Variants in PRELID2 observed in about 807,000 individuals in gnomAD.
PRELID2 encodes the protein PRELI domain-containing protein 2.
A neutral mutation model predicts 28.4 loss-of-function variants in PRELID2; 25 were observed. The ratio of observed to expected loss-of-function variants is 0.88; its 90% confidence interval spans 0.64 to 1.23. The LOEUF (loss-of-function observed/expected upper bound fraction) is 1.23, where lower values mean the gene tolerates loss of function less well. PRELID2 is among the 50% of genes most tolerant of loss of function. PRELID2 has a pLI of 0.00. For synonymous variants in PRELID2, 76 were observed against 71.6 expected, an observed-to-expected ratio of 1.06 and a Z score of -0.31; for missense variants, 201 against 214.4, an observed-to-expected ratio of 0.94 and a Z score of 0.39.
intron 1 of PRELID2, among the ~76,000 whole-genome samples, chr5:145,578,769 TGATGCACAATA>T (rs2149623140): frequency 6.6e-6 from 1 of 152,212 alleles, no homozygotes; most frequent in Non-Finnish European, 1.5e-5. Flanking sequence ...GCTTACTGTA[TGATGCACAATA>T]CTATGCACTG....
intron 1 of PRELID2, among the ~76,000 whole-genome samples, chr5:145,524,349 G>A (rs1349816781): frequency 2.0e-5 from 3 of 152,196 alleles, no homozygotes; most frequent in East Asian, 1.9e-4. Context: ...GAATCCGTGC[G>A]TGGCCTCTGG....
chr5:145,363,724 T>A, the PRELID2 span, among the ~76,000 whole-genome samples: 57 of 152,196 alleles, frequency 3.7e-4, 1 homozygote, highest in Admixed American at 3.3e-3. Context: ...CTGAATTGTA[T>A]TATTTCATTC....
chr5:145,250,419 G>A, the PRELID2 span, among the ~76,000 whole-genome samples: 1 of 152,134 alleles, frequency 6.6e-6, no homozygotes, highest in Non-Finnish European at 1.5e-5. Flanking sequence ...TTTGAACCAA[G>A]CCAACAGCTT....
the PRELID2 span, among the ~76,000 whole-genome samples, chr5:145,413,550 G>T: frequency 6.6e-6 from 1 of 150,984 alleles, no homozygotes; most frequent in Non-Finnish European, 1.5e-5. Flanking sequence ...AGCACAATTT[G>T]TAACTGGAAA....
chr5:145,333,950 A>G, the PRELID2 span, among the ~76,000 whole-genome samples: 2 of 152,222 alleles, frequency 1.3e-5, no homozygotes, highest in African/African-American at 2.4e-5. Context: ...AGTTGCAAAG[A>G]CCGTGGGAAA....
At chr5:145,622,344 A>G (rs2149652663) in intron 1 of PRELID2, among the ~76,000 whole-genome samples, 1 of 152,318 alleles carries the variant, frequency 6.6e-6, no homozygotes. Context: ...ATATCCCTAT[A>G]AAGCTGTTGT....
intron 5 of PRELID2, among the ~76,000 whole-genome samples, chr5:145,769,834 C>A (rs1341674875): frequency 6.6e-6 from 1 of 152,142 alleles, no homozygotes; most frequent in Non-Finnish European, 1.5e-5. Context: ...GGACCATTGG[C>A]CTCTTCAGAG....
At chr5:145,438,746 T>C in the PRELID2 span, among the ~76,000 whole-genome samples, 2 of 152,162 alleles carry the variant, frequency 1.3e-5, no homozygotes, top group South Asian at 2.1e-4. Flanking sequence ...CCTATCTTCC[T>C]GCAGAAATCA....
the PRELID2 span, among the ~76,000 whole-genome samples, chr5:145,296,859 T>C: frequency 6.6e-6 from 1 of 152,150 alleles, no homozygotes; most frequent in Non-Finnish European, 1.5e-5. Context: ...ACCAGTTGTT[T>C]CCTGACTTTT....
At chr5:145,628,426 C>T (rs188164388) in intron 1 of PRELID2, among the ~76,000 whole-genome samples, 62 of 152,256 alleles carry the variant, frequency 4.1e-4, no homozygotes, top group Non-Finnish European at 8.1e-4. Flanking sequence ...CGGGTTCAAG[C>T]AGTTCTCCTG....
At chr5:145,562,777 GAC>G (rs1263319838) in intron 1 of PRELID2, among the ~76,000 whole-genome samples, 3 of 151,086 alleles carry the variant, frequency 2.0e-5, no homozygotes, top group Non-Finnish European at 2.9e-5. Context: ...AGAGTTTACA[GAC>G]ACAGAAAAAA....
the PRELID2 span, among the ~76,000 whole-genome samples, chr5:145,262,093 A>G: frequency 9.9e-5 from 15 of 152,284 alleles, no homozygotes; most frequent in Middle Eastern, 3.4e-3. Flanking sequence ...TAGAAGAAAG[A>G]ACTTGGCAGA....
chr5:145,631,331 G>A (rs1329032208), intron 1 of PRELID2, among the ~76,000 whole-genome samples: 2 of 152,158 alleles, frequency 1.3e-5, no homozygotes, highest in African/African-American at 4.8e-5. Context: ...AAACAGTGTG[G>A]CTGTGTGCCT....
At chr5:145,488,958 T>G (rs919168842) in intron 1 of PRELID2, among the ~76,000 whole-genome samples, 2 of 152,134 alleles carry the variant, frequency 1.3e-5, no homozygotes, top group African/African-American at 4.8e-5. Flanking sequence ...ACAACATTGT[T>G]AAAAGAGGTA....
the PRELID2 span, among the ~76,000 whole-genome samples, chr5:145,422,796 T>G: frequency 2.0e-5 from 3 of 152,108 alleles, no homozygotes; most frequent in African/African-American, 7.2e-5. Flanking sequence ...AGCTGGTTAT[T>G]TTGCTCATTG....
intron 1 of PRELID2, among the ~76,000 whole-genome samples, chr5:145,659,614 C>G (rs1181281460): frequency 6.6e-6 from 1 of 152,206 alleles, no homozygotes; most frequent in African/African-American, 2.4e-5. Flanking sequence ...AAGGGACTCA[C>G]TGGCATGCCT....
chr5:145,380,081 C>T, the PRELID2 span, among the ~76,000 whole-genome samples: 4 of 152,324 alleles, frequency 2.6e-5, no homozygotes, highest in African/African-American at 9.6e-5. Context: ...ACCCTCTGGG[C>T]TCTACATCAG....
At chr5:145,429,061 C>G in the PRELID2 span, among the ~76,000 whole-genome samples, 1 of 152,054 alleles carries the variant, frequency 6.6e-6, no homozygotes, top group African/African-American at 2.4e-5. Flanking sequence ...CTCCTGGGAG[C>G]CCTTAAGCAG....
At chr5:145,279,683 T>A in the PRELID2 span, among the ~76,000 whole-genome samples, 1 of 152,288 alleles carries the variant, frequency 6.6e-6, no homozygotes, top group East Asian at 1.9e-4. Flanking sequence ...AATTTTTAGT[T>A]TTTCAATTAA....
Sources: gnomAD v4.1 joint callset for allele counts (sites outside exome capture counted in the v4.1 genomes callset) on GRCh38, gnomAD v4.1.1 for gene constraint, MANE v1.5 for transcripts, NCBI Gene and HGNC (gene_info 2026-07-23, HGNC 2026-07-21) for gene names.